The following ST7 variants were observed in gnomAD, a reference collection of about 807,000 sequenced individuals.
ST7 encodes suppression of tumorigenicity 7.
In ST7, 28 loss-of-function variants were observed where a neutral mutation model predicts 78.7. The ratio of observed to expected loss-of-function variants is 0.36; its 90% CI spans 0.26 to 0.49. The LOEUF is 0.49. Among genes scored for constraint, ST7 ranks in the 20% least tolerant of loss-of-function variants. The pLI is 0.99. For synonymous variants in ST7, 247 were observed against 249.6 expected (o/e 0.99, Z 0.10); for missense variants, 418 against 696.0 (o/e 0.60, Z 4.49).
intron 15 of ST7, among the ~76,000 whole-genome samples, chr7:117,229,524 G>A (rs1451383758): frequency 6.6e-6 from 1 of 152,234 alleles, no homozygotes; most frequent in African/African-American, 2.4e-5. Context: ...CACCTGTCAG[G>A]GGAGTGAGGG....
At chr7:117,210,197 C>A (rs1296093590) in intron 13 of ST7, among the ~76,000 whole-genome samples, 1 of 152,148 alleles carries the variant, frequency 6.6e-6, no homozygotes, top group Non-Finnish European at 1.5e-5. Context: ...TTCAAAGGGG[C>A]ACCTTGTCAC....
chr7:117,070,661 G>A (rs1031902912), intron 1 of ST7, among the ~76,000 whole-genome samples: 10 of 151,720 alleles, frequency 6.6e-5, no homozygotes, highest in Non-Finnish European at 1.3e-4. Flanking sequence ...CTGCCTCAGC[G>A]TCCGGAGTAG....
chr7:117,130,505 C>T lies in ST7; in HGVS notation c.464C>T (p.Thr155Ile), dbSNP rs1401757092. 2.5e-6 allele frequency: 4 copies of T among 1,609,940 alleles called. No homozygotes were observed. Among genetic ancestry groups the T allele is most frequent in the Non-Finnish European group, 3.4e-6 (4 of 1,177,736 alleles). The change falls in exon 5 of 16, where the codon ACA becomes ATA. Residue 155 changes from threonine (T) to isoleucine (I), a missense_variant. By Grantham distance (89) the Thr-to-Ile change is moderately conservative (BLOSUM62 -1). This residue lies in a region of ST7 where 288 missense variants were observed against 537.1 expected (regional missense o/e 0.54). Transcript: ENST00000323984. ...CTCCTTTGCAGGTATACTTGGGTGACAGGACGAGAGCCTCTTACTTACTAT... is the reference window on the plus strand; with the variant it reads ...CTCCTTTGCAGGTATACTTGGGTGATAGGACGAGAGCCTCTTACTTACTAT... ...GAEYNRYTWV[T>I]GREPLTYYDM...
Position 117,134,133 on chromosome 7 carries a change from C to A in ST7, c.651C>A (p.Ser217=), listed in dbSNP as rs759894562. 2 of 1,611,758 alleles carry A rather than the reference C, an allele frequency of 1.2e-6. No individual in the cohort carries two copies. Among genetic ancestry groups the A allele is most frequent in the Non-Finnish European group, 1.7e-6 (2 of 1,178,654 alleles). The change falls in exon 7 of 16, where the codon TCC becomes TCA. Residue 217 remains serine, a synonymous_variant. Coordinates refer to ENST00000323984, the MANE Select transcript of ST7 (RefSeq NM_001369598.1). ...TTTTCTTCTTGGTCAGAATTAGGTCCAGAGTTGAAGTTCCCCTAATTGCTT... is the reference window on the plus strand; with the variant it reads ...TTTTCTTCTTGGTCAGAATTAGGTCAAGAGTTGAAGTTCCCCTAATTGCTT... ...HEALEINEIR[S]RVEVPLIASS... is the part of the protein sequence containing the mutation.
intron 1 of ST7, among the ~76,000 whole-genome samples, chr7:117,061,717 A>C (rs1194942318): frequency 6.6e-6 from 1 of 152,196 alleles, no homozygotes; most frequent in African/African-American, 2.4e-5. Context: ...ATATAAGGGT[A>C]ATAGAGAGGG....
At chr7:117,154,651 A>G (rs1354659226) in intron 9 of ST7, among the ~76,000 whole-genome samples, 1 of 152,212 alleles carries the variant, frequency 6.6e-6, no homozygotes, top group South Asian at 2.1e-4. Context: ...GTCAGCAGAG[A>G]GGTAAATCCT....
At chr7:117,143,501 A>G (rs758302061) in intron 9 of ST7, among the ~76,000 whole-genome samples, 2 of 152,180 alleles carry the variant, frequency 1.3e-5, no homozygotes, top group African/African-American at 2.4e-5. Context: ...GCTACATTCA[A>G]TCTCAGAGTT....
intron 12 of ST7, among the ~76,000 whole-genome samples, chr7:117,209,548 G>T (rs1792114144): frequency 6.6e-6 from 1 of 152,176 alleles, no homozygotes; most frequent in Non-Finnish European, 1.5e-5. Flanking sequence ...TGATTAGAGT[G>T]TCTTAGCCTG....
At chr7:117,093,376 C>G (rs1428308462) in intron 1 of ST7, among the ~76,000 whole-genome samples, 2 of 152,178 alleles carry the variant, frequency 1.3e-5, no homozygotes, top group East Asian at 1.9e-4. Flanking sequence ...TCAGCTCAGT[C>G]TCCCCTGCAT....
chr7:117,105,577 T>A (rs1178706415), intron 2 of ST7, among the ~76,000 whole-genome samples: 1 of 152,068 alleles, frequency 6.6e-6, no homozygotes, highest in East Asian at 1.9e-4. Flanking sequence ...CCACCATGCC[T>A]GGCTGAGGTT....
chr7:117,152,675 C>G (rs1418723510), intron 9 of ST7, among the ~76,000 whole-genome samples: 1 of 152,112 alleles, frequency 6.6e-6, no homozygotes, highest in African/African-American at 2.4e-5. Context: ...ATTTGTAAGT[C>G]TTTTGCCTGA....
At chr7:117,059,630 C>G (rs1167092753) in intron 1 of ST7, among the ~76,000 whole-genome samples, 1 of 151,680 alleles carries the variant, frequency 6.6e-6, no homozygotes, top group African/African-American at 2.4e-5. Context: ...GACTATATTT[C>G]ACAGAAATAC....
intron 9 of ST7, among the ~76,000 whole-genome samples, chr7:117,144,632 CCAAAAAA>C (rs1329424198): frequency 7.8e-6 from 1 of 128,476 alleles, no homozygotes; most frequent in Non-Finnish European, 1.5e-5. Flanking sequence ...GACCCTGTCT[CCAAAAAA>C]AAAAAAAAAA....
At chr7:117,101,025 G>A (rs75842571) in intron 2 of ST7, among the ~76,000 whole-genome samples, 1,779 of 152,272 alleles carry the variant, frequency 0.012, 41 homozygotes, top group African/African-American at 0.041. Flanking sequence ...GAATAATGGT[G>A]GATTTCAGAA....
In ST7 at chr7:117,026,388, A is replaced by G. The variant is rs189476766; in HGVS notation, c.151+72697A>G. Among the ~76,000 whole-genome samples, 82 of 152,324 alleles carry G rather than the reference A, an allele frequency of 5.4e-4. 1 individual carries two copies. The highest frequency in any genetic ancestry group is 1.7e-3 in the African/African-American group (72 of 41,582). ...ATCCTTCCATTTTTTCCTAGTCAATATAAAGCATGAGTTAACATAATTATT... is the reference window on the plus strand; with the variant it reads ...ATCCTTCCATTTTTTCCTAGTCAATGTAAAGCATGAGTTAACATAATTATT... On this transcript the variant is annotated intron_variant, in intron 1 of 15. Coordinates refer to ENST00000323984, the MANE Select transcript of ST7 (RefSeq NM_001369598.1).
chr7:117,011,753 ACTT>A (rs1246652012), intron 1 of ST7, among the ~76,000 whole-genome samples: 4 of 152,192 alleles, frequency 2.6e-5, no homozygotes, highest in South Asian at 4.1e-4. Context: ...CCCGAGAAGA[ACTT>A]CTGACTTAGG....
intron 1 of ST7, among the ~76,000 whole-genome samples, chr7:117,007,168 A>G (rs1795191918): frequency 1.3e-5 from 2 of 152,262 alleles, no homozygotes. Flanking sequence ...ATAGGCCAGA[A>G]GCTAGGCCTC....
intron 1 of ST7, among the ~76,000 whole-genome samples, chr7:117,005,127 G>A (rs1795103536): frequency 6.6e-6 from 1 of 151,952 alleles, no homozygotes; most frequent in Non-Finnish European, 1.5e-5. Flanking sequence ...CACATTCCTA[G>A]AATCTTTTAC....
intron 1 of ST7, among the ~76,000 whole-genome samples, chr7:117,021,485 T>C (rs1378095378): frequency 6.6e-6 from 1 of 152,238 alleles, no homozygotes; most frequent in African/African-American, 2.4e-5. Flanking sequence ...GGCTAGAGCA[T>C]TAAATATTGG....
Sources: allele counts gnomAD v4.1 joint callset (sites outside exome capture counted in the v4.1 genomes callset), GRCh38; gene constraint gnomAD v4.1.1; regional missense constraint gnomAD v4.1.1; transcripts MANE v1.5; gene names NCBI Gene and HGNC (gene_info 2026-07-23, HGNC 2026-07-21).